DPYD: variants seen among roughly 807,000 people sequenced by gnomAD.
DPYD encodes the protein dihydropyrimidine dehydrogenase.
Under a neutral mutation model 116.2 loss-of-function variants are expected in DPYD, and 109 were observed. That is an observed-to-expected ratio of 0.94 (90% confidence interval 0.80 to 1.10). The LOEUF (loss-of-function observed/expected upper bound fraction) is 1.10. Ranked by LOEUF, DPYD falls within the 50% of genes least tolerant of loss-of-function variation. The probability of loss-of-function intolerance (pLI) is 0.00; values close to 1 mark genes in which losing one functional copy is unlikely to be tolerated. For missense variants in DPYD, 1,302 were observed against 1,254.5 expected (o/e 1.04, Z -0.57); for synonymous variants, 440 against 432.0 (o/e 1.02, Z -0.23).
At chr1:97,182,662 C>T (rs1657725186) in intron 20 of DPYD, among the ~76,000 whole-genome samples, 1 of 152,038 alleles carries the variant, frequency 6.6e-6, no homozygotes, top group Admixed American at 6.6e-5. Context: ...ACAAGAAGTA[C>T]AGGGCCATAC....
chr1:97,300,576 T>C (rs1666804266), intron 18 of DPYD, among the ~76,000 whole-genome samples: 1 of 152,104 alleles, frequency 6.6e-6, no homozygotes, highest in Non-Finnish European at 1.5e-5. Context: ...CTGGCATGCG[T>C]GAAAATAGTT....
intron 2 of DPYD, among the ~76,000 whole-genome samples, chr1:97,846,662 T>C (rs1670317308): frequency 6.6e-6 from 1 of 152,218 alleles, no homozygotes; most frequent in Admixed American, 6.5e-5. Context: ...GGTATGAATA[T>C]AAAGAAGAAA....
chr1:97,600,968 C>T (rs565001092), intron 8 of DPYD, among the ~76,000 whole-genome samples: 1 of 152,166 alleles, frequency 6.6e-6, no homozygotes, highest in East Asian at 1.9e-4. Context: ...CAATGAACTC[C>T]AGCTACATGT....
chr1:97,682,817 T>A (rs1258061505), intron 7 of DPYD, among the ~76,000 whole-genome samples: 1 of 152,118 alleles, frequency 6.6e-6, no homozygotes, highest in African/African-American at 2.4e-5. Flanking sequence ...CTCTAATGAC[T>A]TTAGTAACAT....
intron 12 of DPYD, chr1:97,545,880 T>C: frequency 9.3e-7 from 1 of 1,071,280 alleles, no homozygotes; most frequent in East Asian, 2.4e-5. Context: ...AGGTTTCTAA[T>C]CATAAGAAGT....
intron 19 of DPYD, among the ~76,000 whole-genome samples, chr1:97,193,597 A>G (rs1340621575): frequency 6.6e-6 from 1 of 152,166 alleles, no homozygotes; most frequent in East Asian, 1.9e-4. Flanking sequence ...GGACATTTAA[A>G]TTCTCATTGT....
intron 8 of DPYD, among the ~76,000 whole-genome samples, chr1:97,668,502 A>G (rs1230182361): frequency 1.3e-5 from 2 of 152,118 alleles, no homozygotes; most frequent in African/African-American, 4.8e-5. Flanking sequence ...TTTAAAATGC[A>G]TTAATTACTT....
At chr1:97,832,567 T>C (rs529145590) in intron 2 of DPYD, among the ~76,000 whole-genome samples, 1 of 152,250 alleles carries the variant, frequency 6.6e-6, no homozygotes, top group South Asian at 2.1e-4. Flanking sequence ...CATAAATATT[T>C]TGCATGCAAC....
intron 21 of DPYD, among the ~76,000 whole-genome samples, chr1:97,089,800 C>T (rs544814497): frequency 3.4e-5 from 5 of 147,558 alleles, no homozygotes; most frequent in Admixed American, 6.8e-5. Context: ...AGGGGTAGGA[C>T]GGAGGGCCTC....
At chr1:97,422,662 T>C (rs1262199770) in intron 14 of DPYD, among the ~76,000 whole-genome samples, 1 of 152,134 alleles carries the variant, frequency 6.6e-6, no homozygotes, top group Non-Finnish European at 1.5e-5. Context: ...TGGGAGTTCA[T>C]TCCCTGAGCA....
At chr1:97,318,156 G>A (rs2101087412) in intron 16 of DPYD, among the ~76,000 whole-genome samples, 1 of 147,442 alleles carries the variant, frequency 6.8e-6, no homozygotes, top group Middle Eastern at 3.4e-3. Context: ...TTGAGACTAG[G>A]AAGAAACTGC....
intron 13 of DPYD, among the ~76,000 whole-genome samples, chr1:97,475,546 G>A (rs1677909820): frequency 6.6e-6 from 1 of 152,202 alleles, no homozygotes; most frequent in Non-Finnish European, 1.5e-5. Context: ...ATTAACGGCT[G>A]AGTTGTGGCC....
At chr1:97,892,695 TC>T (rs1454328289) in intron 1 of DPYD, among the ~76,000 whole-genome samples, 1 of 151,802 alleles carries the variant, frequency 6.6e-6, no homozygotes, top group Non-Finnish European at 1.5e-5. Flanking sequence ...GTTCTACTTT[TC>T]CAAGTAACTT....
intron 8 of DPYD, among the ~76,000 whole-genome samples, chr1:97,661,247 G>A (rs1659238755): frequency 6.6e-6 from 1 of 152,152 alleles, no homozygotes; most frequent in Non-Finnish European, 1.5e-5. Context: ...CATTTGAAGA[G>A]GGTAAACATA....
At chr1:97,210,608 C>T (rs1659971404) in intron 19 of DPYD, among the ~76,000 whole-genome samples, 1 of 152,098 alleles carries the variant, frequency 6.6e-6, no homozygotes, top group African/African-American at 2.4e-5. Context: ...CACATACATC[C>T]TAGCTAGGAG....
At chr1:97,215,898 C>T (rs1458770067) in intron 19 of DPYD, among the ~76,000 whole-genome samples, 2 of 152,150 alleles carry the variant, frequency 1.3e-5, no homozygotes, top group Admixed American at 1.3e-4. Flanking sequence ...TCTCTTTCAA[C>T]AAAGGGTCAT....
intron 20 of DPYD, among the ~76,000 whole-genome samples, chr1:97,134,032 T>A (rs1165951475): frequency 0.13 from 2,519 of 19,228 alleles, 436 homozygotes; most frequent in East Asian, 0.32. Flanking sequence ...TATATATATA[T>A]ATATATATAT....
intron 18 of DPYD, among the ~76,000 whole-genome samples, chr1:97,273,949 C>T (rs1219194313): frequency 6.6e-6 from 1 of 152,100 alleles, no homozygotes; most frequent in Admixed American, 6.6e-5. Flanking sequence ...CTTGAATTTT[C>T]AGGGTAAAGT....
At chr1:97,782,354 T>C (rs1170260269) in intron 3 of DPYD, among the ~76,000 whole-genome samples, 1 of 152,200 alleles carries the variant, frequency 6.6e-6, no homozygotes, top group Non-Finnish European at 1.5e-5. Flanking sequence ...TTTTCTTCTG[T>C]GGCCCCAGAC....
Sources: gnomAD v4.1 joint callset for allele counts (sites outside exome capture counted in the v4.1 genomes callset) on GRCh38, gnomAD v4.1.1 for gene constraint, MANE v1.5 for transcripts, NCBI Gene and HGNC (gene_info 2026-07-23, HGNC 2026-07-21) for gene names.